ARID2: variants seen among roughly 807,000 people sequenced by gnomAD.
ARID2 encodes AT-rich interactive domain-containing protein 2.
ARID2 carries 32 observed loss-of-function variants against 184.6 expected under a neutral mutation model. The ratio of observed to expected loss-of-function variants is 0.17; its 90% confidence interval spans 0.13 to 0.23. The LOEUF (loss-of-function observed/expected upper bound fraction) is 0.23. ARID2 is among the 10% of genes least tolerant of loss of function. The pLI is 1.00. For missense variants in ARID2, 1,696 were observed against 2,197.6 expected, an observed-to-expected ratio of 0.77 and a Z score of 4.56; for synonymous variants, 836 against 772.6, an observed-to-expected ratio of 1.08 and a Z score of -1.36.
intron 3 of ARID2, among the ~76,000 whole-genome samples, chr12:45,760,713 GC>G: frequency 6.6e-6 from 1 of 151,710 alleles, no homozygotes; most frequent in African/African-American, 2.4e-5. Flanking sequence ...TATTGCCCTT[GC>G]CTTTGAATTT....
At chr12:45,795,454 C>T (rs559648603) in intron 3 of ARID2, among the ~76,000 whole-genome samples, 5 of 151,606 alleles carry the variant, frequency 3.3e-5, no homozygotes, top group South Asian at 4.2e-4. Flanking sequence ...TTTTTTTAGA[C>T]GGAGTCTCGC....
chr12:45,895,019 A>C (rs1283399702), intron 20 of ARID2, among the ~76,000 whole-genome samples: 1 of 152,114 alleles, frequency 6.6e-6, no homozygotes, highest in Non-Finnish European at 1.5e-5. Flanking sequence ...CTTATCCTTC[A>C]TGATTCAGTT....
At chr12:45,769,184 A>G (rs1941824758) in intron 3 of ARID2, among the ~76,000 whole-genome samples, 2 of 152,256 alleles carry the variant, frequency 1.3e-5, no homozygotes. Flanking sequence ...TACACCAGAA[A>G]AAAAGCAGGC....
intron 16 of ARID2, among the ~76,000 whole-genome samples, chr12:45,880,692 A>G (rs1209354002): frequency 6.6e-6 from 1 of 152,220 alleles, no homozygotes; most frequent in Non-Finnish European, 1.5e-5. Context: ...CACATGCTCA[A>G]CACTTAACAG....
intron 5 of ARID2, among the ~76,000 whole-genome samples, chr12:45,818,308 A>G (rs1337372094): frequency 6.6e-6 from 1 of 152,202 alleles, no homozygotes; most frequent in Non-Finnish European, 1.5e-5. Context: ...AGGCTTATCA[A>G]AGGCTTCATA....
At chr12:45,896,583 G>A (rs1252136756) in intron 20 of ARID2, among the ~76,000 whole-genome samples, 1 of 152,148 alleles carries the variant, frequency 6.6e-6, no homozygotes, top group Non-Finnish European at 1.5e-5. Flanking sequence ...CACCATAATT[G>A]TGAGGCCTCC....
In ARID2 at chr12:45,821,478, C is replaced by T. The variant is rs778304669; in HGVS notation, c.696C>T (p.Asp232=). ...AATGGAAAGAGAAGACTGATAGAGA[C>T]TTCGTTAAGGTAAATCATTTTAATT... ...GEEWKEKTDR[D]FVKFWKDIVD... is the part of the protein sequence containing the mutation. Residue 232 remains aspartate, a synonymous_variant, in exon 6 of 21, where the codon GAC becomes GAT. Transcript: ENST00000334344. 6.6e-7 allele frequency: 1 copy of T among 1,505,580 alleles called. No homozygotes were observed. The highest frequency in any genetic ancestry group is 8.8e-7 in the Non-Finnish European group (1 of 1,132,340). The allele number at this position is 1,505,580 out of a possible 1,614,324, so 93.3% of individuals were successfully genotyped here. A position where few individuals can be genotyped will look rare whatever the true frequency, so the allele number is the denominator to read the frequency against.
At chr12:45,891,233 A>G (rs180739811) in intron 16 of ARID2, among the ~76,000 whole-genome samples, 2 of 152,096 alleles carry the variant, frequency 1.3e-5, no homozygotes, top group East Asian at 3.9e-4. Flanking sequence ...CTTTTAATAC[A>G]TTCTTTGCTG....
intron 6 of ARID2, 92 bp downstream of exon 6, chr12:45,821,579 C>A: frequency 1.5e-6 from 1 of 649,058 alleles, no homozygotes; most frequent in Non-Finnish European, 2.4e-6. Context: ...ATACATAATA[C>A]TACCTATACT....
rs1363878802 is a variant in ARID2, at chr12:45,869,112, C to T, written c.4922+8163C>T. Among the ~76,000 whole-genome samples the T allele has an allele frequency of 3.3e-5, 5 of 152,114 alleles. No individual in the cohort carries two copies. In the South Asian group the frequency reaches 8.3e-4, roughly 25 times the overall value. The stretch of plus-strand genomic sequence containing the variant: ...TTGGCTCACTGTAACCTTCGCCTCC[C>T]AGGTTCAAGCGATTCGCCTGCCTCA... On this transcript the variant is annotated intron_variant, in intron 16 of 20. Transcript: ENST00000334344.
At chr12:45,814,719 G>T (rs947678801) in intron 4 of ARID2, among the ~76,000 whole-genome samples, 4 of 152,130 alleles carry the variant, frequency 2.6e-5, no homozygotes, top group African/African-American at 9.7e-5. Context: ...CTCCTTGAGG[G>T]AATGAAAGGA....
chr12:45,872,038 T>G (rs1943934151), intron 16 of ARID2, among the ~76,000 whole-genome samples: 1 of 152,100 alleles, frequency 6.6e-6, no homozygotes, highest in Non-Finnish European at 1.5e-5. Flanking sequence ...TTTATGTATT[T>G]TATTGAATTT....
At chr12:45,898,836 C>A (rs1217807704) in intron 20 of ARID2, among the ~76,000 whole-genome samples, 1 of 151,586 alleles carries the variant, frequency 6.6e-6, no homozygotes, top group African/African-American at 2.4e-5. Context: ...ATCGCTTGAA[C>A]CCAGGAGGCG....
intron 3 of ARID2, among the ~76,000 whole-genome samples, chr12:45,765,656 A>C (rs1941758635): frequency 6.6e-6 from 1 of 152,012 alleles, no homozygotes; most frequent in African/African-American, 2.4e-5. Flanking sequence ...CATTATTGAG[A>C]TATATAATTG....
intron 5 of ARID2, among the ~76,000 whole-genome samples, chr12:45,820,277 A>G (rs1362549988): frequency 6.6e-6 from 1 of 152,170 alleles, no homozygotes; most frequent in Non-Finnish European, 1.5e-5. Flanking sequence ...AGTAAATATA[A>G]TTTATGTTTA....
chr12:45,836,095 A>G (rs1943216584), intron 6 of ARID2, among the ~76,000 whole-genome samples: 2 of 152,224 alleles, frequency 1.3e-5, no homozygotes, highest in South Asian at 4.1e-4. Flanking sequence ...CTGAAACTAT[A>G]GACAATCAAA....
intron 6 of ARID2, among the ~76,000 whole-genome samples, chr12:45,834,945 G>A (rs1943190418): frequency 6.6e-6 from 1 of 151,912 alleles, no homozygotes; most frequent in Non-Finnish European, 1.5e-5. Context: ...CCCTTACATT[G>A]TCACATATTC....
intron 3 of ARID2, among the ~76,000 whole-genome samples, chr12:45,808,094 A>G (rs1289523536): frequency 6.6e-6 from 1 of 152,218 alleles, no homozygotes. Context: ...AAGTTATGTC[A>G]TCGATTTTTG....
chr12:45,857,852 TG>T (rs1943677019), intron 15 of ARID2, among the ~76,000 whole-genome samples: 1 of 152,120 alleles, frequency 6.6e-6, no homozygotes, highest in South Asian at 2.1e-4. Context: ...CTCTGCCTCT[TG>T]GGCTTAAGCA....
Sources: allele counts gnomAD v4.1 joint callset (sites outside exome capture counted in the v4.1 genomes callset), GRCh38; gene constraint gnomAD v4.1.1; transcripts MANE v1.5; gene names NCBI Gene and HGNC (gene_info 2026-07-23, HGNC 2026-07-21).